The following ZHX2 variants were observed in gnomAD, a reference collection of about 807,000 sequenced individuals.
The protein encoded by ZHX2 is zinc fingers and homeoboxes protein 2.
A neutral mutation model predicts 21.9 loss-of-function variants in ZHX2; 6 were observed. The ratio of observed to expected loss-of-function variants is 0.27; its 90% confidence interval spans 0.15 to 0.54. The LOEUF is 0.54. ZHX2 is among the 20% of genes least tolerant of loss of function. The probability of loss-of-function intolerance (pLI) is 0.95; values close to 1 mark genes in which losing one functional copy is unlikely to be tolerated. For missense variants in ZHX2, 908 were observed against 1,090.7 expected, an observed-to-expected ratio of 0.83 and a Z score of 2.36; for synonymous variants, 434 against 437.1, an observed-to-expected ratio of 0.99 and a Z score of 0.09.
intron 1 of ZHX2, among the ~76,000 whole-genome samples, chr8:122,836,498 C>T (rs943752953): frequency 3.3e-5 from 5 of 152,130 alleles, no homozygotes; most frequent in African/African-American, 1.2e-4. Flanking sequence ...AGCGCGCGTT[C>T]GAACCAACAG....
At chr8:122,885,545 T>G (rs564436012) in intron 2 of ZHX2, among the ~76,000 whole-genome samples, 20 of 152,308 alleles carry the variant, frequency 1.3e-4, no homozygotes, top group Admixed American at 1.2e-3. Flanking sequence ...TAACAAAATA[T>G]TTAACAGTGG....
At chr8:122,942,999 T>C (rs188048878) in intron 2 of ZHX2, among the ~76,000 whole-genome samples, 5 of 152,224 alleles carry the variant, frequency 3.3e-5, no homozygotes, top group South Asian at 2.1e-4. Flanking sequence ...CGGTGGCTCA[T>C]GCCTGTAATC....
intron 1 of ZHX2, among the ~76,000 whole-genome samples, chr8:122,789,235 G>C (rs539600936): frequency 6.6e-6 from 1 of 152,178 alleles, no homozygotes; most frequent in African/African-American, 2.4e-5. Flanking sequence ...ATCATAACAC[G>C]TCTGCCTATG....
chr8:122,814,854 G>C (rs966346488), intron 1 of ZHX2, among the ~76,000 whole-genome samples: 2 of 150,910 alleles, frequency 1.3e-5, no homozygotes, highest in African/African-American at 2.4e-5. Context: ...CCTGGCATCG[G>C]TTTGTTTTTT....
intron 1 of ZHX2, among the ~76,000 whole-genome samples, chr8:122,785,694 AAGG>A (rs1348055938): frequency 6.6e-6 from 1 of 152,182 alleles, no homozygotes; most frequent in African/African-American, 2.4e-5. Flanking sequence ...GACGGGGTGA[AAGG>A]AGGAATGGTT....
chr8:122,915,149 A>C (rs1267341533), intron 2 of ZHX2, among the ~76,000 whole-genome samples: 1 of 152,180 alleles, frequency 6.6e-6, no homozygotes, highest in African/African-American at 2.4e-5. Context: ...TTTACAGGTA[A>C]TGCAGTGAAG....
At chr8:122,968,728 A>G (rs1813646049) in intron 3 of ZHX2, among the ~76,000 whole-genome samples, 1 of 151,964 alleles carries the variant, frequency 6.6e-6, no homozygotes, top group South Asian at 2.1e-4. Context: ...AATCCCAGCT[A>G]CTTGGGAGGC....
At chr8:122,793,264 T>C (rs925812027) in intron 1 of ZHX2, among the ~76,000 whole-genome samples, 7 of 152,120 alleles carry the variant, frequency 4.6e-5, no homozygotes, top group African/African-American at 1.7e-4. Flanking sequence ...GGGACAGCTA[T>C]GAAAGGAGAG....
At chr8:122,897,980 C>T (rs4870823) in intron 2 of ZHX2, among the ~76,000 whole-genome samples, 76,616 of 152,082 alleles carry the variant, frequency 0.5, 19,432 homozygotes, top group South Asian at 0.66. Context: ...CATGGTGGTC[C>T]GCTCCATTCG....
Position 122,955,933 on chromosome 8 carries a change from C to T in ZHX2, c.*4+1905C>T, listed in dbSNP as rs192471938. 4.3e-3 allele frequency among the ~76,000 whole-genome samples: 646 copies of T among 151,246 alleles called. 4 individuals carry two copies. Among genetic ancestry groups the T allele is most frequent in the African/African-American group, 0.014 (566 of 41,122 alleles). On this transcript the variant is annotated intron_variant, in intron 3 of 3. Coordinates refer to ENST00000314393, the MANE Select transcript of ZHX2 (RefSeq NM_014943.5). ...GATCTCAACTCACTGCAACCTCCACCTCTTGGGTTCAAGCAGTTCTCCTGC... is the reference window on the plus strand; with the variant it reads ...GATCTCAACTCACTGCAACCTCCACTTCTTGGGTTCAAGCAGTTCTCCTGC...
chr8:122,888,567 C>T (rs745947459), intron 2 of ZHX2, among the ~76,000 whole-genome samples: 29 of 152,074 alleles, frequency 1.9e-4, no homozygotes, highest in Non-Finnish European at 2.4e-4. Context: ...CTGCAACCTC[C>T]GCCTCCCGGG....
At chr8:122,895,075 C>T (rs1405588571) in intron 2 of ZHX2, among the ~76,000 whole-genome samples, 1 of 152,188 alleles carries the variant, frequency 6.6e-6, no homozygotes, top group Non-Finnish European at 1.5e-5. Context: ...TATTGTTTTT[C>T]AATCACCAGA....
At chr8:122,898,881 G>A (rs1586371132) in intron 2 of ZHX2, among the ~76,000 whole-genome samples, 1 of 152,336 alleles carries the variant, frequency 6.6e-6, no homozygotes, top group East Asian at 1.9e-4. Context: ...CAGCCCCCAA[G>A]TCTGCCCTTC....
At chr8:122,921,119 G>A (rs761509420) in intron 2 of ZHX2, among the ~76,000 whole-genome samples, 9 of 151,762 alleles carry the variant, frequency 5.9e-5, no homozygotes, top group African/African-American at 1.5e-4. Flanking sequence ...TCACTCTGTC[G>A]CCCAGGCTGG....
chr8:122,885,163 G>T (rs1348610885), intron 2 of ZHX2, among the ~76,000 whole-genome samples: 4 of 152,228 alleles, frequency 2.6e-5, no homozygotes, highest in Non-Finnish European at 5.9e-5. Flanking sequence ...CAGGTCGACT[G>T]GAAGAGCCAG....
At chr8:122,937,673 G>A (rs755111851) in intron 2 of ZHX2, among the ~76,000 whole-genome samples, 3 of 151,498 alleles carry the variant, frequency 2.0e-5, no homozygotes, top group South Asian at 2.1e-4. Context: ...TCTGCCTCCC[G>A]GGCTCAAGCA....
intron 1 of ZHX2, among the ~76,000 whole-genome samples, chr8:122,799,946 CT>C (rs1265653669): frequency 2.6e-5 from 4 of 152,164 alleles, no homozygotes; most frequent in African/African-American, 9.7e-5. Context: ...TCACTGCAAC[CT>C]CCACCTCCCA....
At chr8:122,892,962 G>A (rs1349663078) in intron 2 of ZHX2, among the ~76,000 whole-genome samples, 1 of 152,210 alleles carries the variant, frequency 6.6e-6, no homozygotes, top group Admixed American at 6.5e-5. Flanking sequence ...GGGATTACAG[G>A]CATGAGCCAC....
intron 2 of ZHX2, among the ~76,000 whole-genome samples, chr8:122,927,207 A>G (rs1250328407): frequency 6.6e-6 from 1 of 152,060 alleles, no homozygotes; most frequent in African/African-American, 2.4e-5. Flanking sequence ...ATAAAGATAT[A>G]CCCCAGGCCA....
Sources: gnomAD v4.1 joint callset for allele counts (sites outside exome capture counted in the v4.1 genomes callset) on GRCh38, gnomAD v4.1.1 for gene constraint, MANE v1.5 for transcripts, NCBI Gene and HGNC (gene_info 2026-07-23, HGNC 2026-07-21) for gene names.